The following CSGALNACT1 variants were observed in gnomAD, a reference collection of about 807,000 sequenced individuals.
CSGALNACT1 encodes chondroitin sulfate N-acetylgalactosaminyltransferase 1, also known as beta4GalNAcT-1.
CSGALNACT1 carries 52 observed loss-of-function variants against 51.0 expected under a neutral mutation model. The ratio of observed to expected loss-of-function variants is 1.02; its 90% CI spans 0.82 to 1.29. The LOEUF (loss-of-function observed/expected upper bound fraction) is 1.29, where lower values mean the gene tolerates loss of function less well. Ranked by LOEUF, CSGALNACT1 falls within the 50% of genes most tolerant of loss-of-function variation. The pLI is 0.00. For missense variants in CSGALNACT1, 935 were observed against 679.2 expected (o/e 1.38, Z -4.19); for synonymous variants, 341 against 254.4 (o/e 1.34, Z -3.24).
At chr8:19,682,481 G>A (rs976196101) in exon 1 of CSGALNACT1, 12 of 350,476 alleles carry the variant, frequency 3.4e-5, no homozygotes, top group African/African-American at 1.9e-4. Context: ...ACCCACACAC[G>A]AGATCAAAAA....
intron 3 of CSGALNACT1, among the ~76,000 whole-genome samples, chr8:19,511,873 A>G (rs913830503): frequency 1.3e-5 from 2 of 152,208 alleles, no homozygotes; most frequent in African/African-American, 2.4e-5. Context: ...ATATCTTCAC[A>G]TGGCAGCAGA....
chr8:19,434,680 G>A (rs921011712), intron 6 of CSGALNACT1, among the ~76,000 whole-genome samples: 2 of 152,314 alleles, frequency 1.3e-5, no homozygotes, highest in African/African-American at 2.4e-5. Context: ...AATGCCAGGT[G>A]AGATGGTCAG....
At chr8:19,409,961 T>G (rs2055312738) in intron 8 of CSGALNACT1, among the ~76,000 whole-genome samples, 1 of 152,224 alleles carries the variant, frequency 6.6e-6, no homozygotes, top group South Asian at 2.1e-4. Context: ...ATCTTCCCCC[T>G]TCCTGAAGTT....
At chr8:19,577,567 A>C (rs78674229) in intron 3 of CSGALNACT1, among the ~76,000 whole-genome samples, 82,609 of 151,086 alleles carry the variant, frequency 0.55, 24,300 homozygotes, top group East Asian at 0.97. Flanking sequence ...TCAAAAAAAA[A>C]AAAAATTAAA....
intron 1 of CSGALNACT1, among the ~76,000 whole-genome samples, chr8:19,679,699 T>A (rs2060454874): frequency 6.6e-6 from 1 of 152,136 alleles, no homozygotes; most frequent in African/African-American, 2.4e-5. Flanking sequence ...GTGCCATCAA[T>A]ATTCACCAGC....
intron 1 of CSGALNACT1, among the ~76,000 whole-genome samples, chr8:19,730,292 C>G (rs981621021): frequency 6.6e-6 from 1 of 152,140 alleles, no homozygotes; most frequent in Admixed American, 6.5e-5. Context: ...GAACAACACT[C>G]GGGGAATAGG....
At chr8:19,636,437 C>T (rs373528262) in intron 1 of CSGALNACT1, among the ~76,000 whole-genome samples, 1 of 152,092 alleles carries the variant, frequency 6.6e-6, no homozygotes, top group Non-Finnish European at 1.5e-5. Context: ...ACTGTGTAAG[C>T]GATACCAAAA....
At chr8:19,625,671 C>A (rs1390564146) in intron 1 of CSGALNACT1, among the ~76,000 whole-genome samples, 1 of 152,188 alleles carries the variant, frequency 6.6e-6, no homozygotes, top group Non-Finnish European at 1.5e-5. Flanking sequence ...TGCAACACAA[C>A]AGTGAAATTC....
intron 5 of CSGALNACT1, among the ~76,000 whole-genome samples, chr8:19,448,678 A>G (rs964303958): frequency 3.9e-5 from 6 of 152,252 alleles, no homozygotes; most frequent in African/African-American, 4.8e-5. Flanking sequence ...CCGCACATGA[A>G]CAAGGGCAGA....
intron 4 of CSGALNACT1, among the ~76,000 whole-genome samples, chr8:19,462,129 C>G (rs1308369266): frequency 6.6e-6 from 1 of 152,148 alleles, no homozygotes; most frequent in Non-Finnish European, 1.5e-5. Context: ...TGCAAAGCAT[C>G]CACATTCACC....
intron 1 of CSGALNACT1, among the ~76,000 whole-genome samples, chr8:19,687,650 T>G (rs775912178): frequency 1.3e-5 from 2 of 152,206 alleles, no homozygotes; most frequent in Non-Finnish European, 2.9e-5. Flanking sequence ...CAGAGAAAAT[T>G]TGGCTTTTAA....
At chr8:19,588,939 T>C (rs1313042698) in intron 3 of CSGALNACT1, among the ~76,000 whole-genome samples, 1 of 152,090 alleles carries the variant, frequency 6.6e-6, no homozygotes, top group Non-Finnish European at 1.5e-5. Context: ...TGAGGGGTGT[T>C]TGAAAATGTG....
intron 3 of CSGALNACT1, among the ~76,000 whole-genome samples, chr8:19,571,918 T>C (rs1400150898): frequency 6.6e-6 from 1 of 152,246 alleles, no homozygotes; most frequent in Non-Finnish European, 1.5e-5. Flanking sequence ...AAGATGGATT[T>C]ATTTCCAATT....
intron 1 of CSGALNACT1, among the ~76,000 whole-genome samples, chr8:19,692,546 G>A (rs1379210016): frequency 6.6e-6 from 1 of 152,090 alleles, no homozygotes; most frequent in East Asian, 1.9e-4. Context: ...ACAGGAAGTG[G>A]GACAAGGAAC....
intron 1 of CSGALNACT1, among the ~76,000 whole-genome samples, chr8:19,710,431 T>C (rs982234259): frequency 1.3e-5 from 2 of 152,202 alleles, no homozygotes; most frequent in African/African-American, 4.8e-5. Context: ...AACAACGCTA[T>C]GCTTGGTGAC....
At chr8:19,624,715 G>A (rs980167230) in intron 1 of CSGALNACT1, among the ~76,000 whole-genome samples, 3 of 149,874 alleles carry the variant, frequency 2.0e-5, no homozygotes, top group African/African-American at 7.4e-5. Context: ...GTCTCGCTCT[G>A]TTGCCCAGGC....
chr8:19,690,162 T>C (rs1427880244), intron 1 of CSGALNACT1, among the ~76,000 whole-genome samples: 1 of 152,258 alleles, frequency 6.6e-6, no homozygotes, highest in Non-Finnish European at 1.5e-5. Flanking sequence ...TATATTCTAA[T>C]ACATTTCCTA....
chr8:19,755,529 G>A (rs1447759731), intron 1 of CSGALNACT1, among the ~76,000 whole-genome samples: 2 of 141,560 alleles, frequency 1.4e-5, no homozygotes, highest in Non-Finnish European at 3.0e-5. Flanking sequence ...ACTAGGATAA[G>A]TTCCCAAATG....
At chr8:19,634,302 G>A (rs983504374) in intron 1 of CSGALNACT1, among the ~76,000 whole-genome samples, 3 of 152,084 alleles carry the variant, frequency 2.0e-5, no homozygotes, top group Non-Finnish European at 4.4e-5. Flanking sequence ...GGGGCCTTTG[G>A]CAGGTGACTA....
Sources: allele counts gnomAD v4.1 joint callset (sites outside exome capture counted in the v4.1 genomes callset), GRCh38; gene constraint gnomAD v4.1.1; transcripts MANE v1.5; gene names NCBI Gene and HGNC (gene_info 2026-07-23, HGNC 2026-07-21).